HELZ: variants seen among roughly 807,000 people sequenced by gnomAD.
HELZ encodes the protein ATP-dependent RNA helicase with zinc finger domain.
In HELZ, 23 loss-of-function variants were observed where a neutral mutation model predicts 218.2. The observed-to-expected ratio is 0.11, with a 90% CI of 0.08 to 0.15. HELZ has a LOEUF of 0.15. Among genes scored for constraint, HELZ ranks in the 10% least tolerant of loss-of-function variants. The probability of loss-of-function intolerance (pLI) is 1.00; values close to 1 mark genes in which losing one functional copy is unlikely to be tolerated. For missense variants in HELZ, 1,813 were observed against 2,353.7 expected, an observed-to-expected ratio of 0.77 and a Z score of 4.75; for synonymous variants, 814 against 829.4, an observed-to-expected ratio of 0.98 and a Z score of 0.32.
intron 13 of HELZ, among the ~76,000 whole-genome samples, chr17:67,173,375 T>C (rs2144191791): frequency 6.6e-6 from 1 of 152,320 alleles, no homozygotes; most frequent in South Asian, 2.1e-4. Context: ...TTTCCATTGT[T>C]GCATGCTACA....
At chr17:67,149,431 G>A (rs2038606251) in intron 19 of HELZ, among the ~76,000 whole-genome samples, 1 of 152,040 alleles carries the variant, frequency 6.6e-6, no homozygotes, top group African/African-American at 2.4e-5. Context: ...CACACTCTTT[G>A]ACATTTTGGC....
At chr17:67,111,178 C>T (rs1306452559) in intron 28 of HELZ, among the ~76,000 whole-genome samples, 1 of 152,182 alleles carries the variant, frequency 6.6e-6, no homozygotes, top group Non-Finnish European at 1.5e-5. Context: ...AGAGCCCAAT[C>T]ACATGAGACC....
At chr17:67,090,378 T>G (rs1272275839) in intron 31 of HELZ, among the ~76,000 whole-genome samples, 1 of 152,200 alleles carries the variant, frequency 6.6e-6, no homozygotes, top group East Asian at 1.9e-4. Flanking sequence ...CTGTTTGTAT[T>G]GCCTTTATCT....
intron 3 of HELZ, among the ~76,000 whole-genome samples, chr17:67,237,871 C>A (rs547522336): frequency 1.1e-4 from 17 of 151,684 alleles, no homozygotes; most frequent in Admixed American, 2.6e-4. Flanking sequence ...ACCTATAGTC[C>A]CAGCTACTTG....
At chr17:67,130,368 T>C (rs897291071) in intron 23 of HELZ, among the ~76,000 whole-genome samples, 1 of 151,960 alleles carries the variant, frequency 6.6e-6, no homozygotes, top group Non-Finnish European at 1.5e-5. Context: ...AAATTTTAAA[T>C]GGAATGAATA....
intron 26 of HELZ, among the ~76,000 whole-genome samples, chr17:67,121,280 T>C (rs1156503429): frequency 2.0e-5 from 3 of 152,206 alleles, no homozygotes; most frequent in Admixed American, 2.0e-4. Context: ...TATTATTTTA[T>C]TATAACTGTT....
rs895031285 is a variant in HELZ at position 67,076,175 on chromosome 17, G to A, written c.*2077C>T. ...AGCTTGCGTTGTAGTCCTGTATATG[G>A]GGGCTGGGGGGTGGATAATCACTGA... On this transcript the variant is annotated 3_prime_UTR_variant, in exon 33 of 33. Coordinates refer to ENST00000358691, the MANE Select transcript of HELZ (RefSeq NM_014877.4). 6 of 152,260 alleles carry A rather than the reference G, an allele frequency of 3.9e-5. No individual in the cohort carries two copies. Among genetic ancestry groups the A allele is most frequent in the African/African-American group, 1.2e-4 (5 of 41,410 alleles). The allele number at this position is 152,260 out of a possible 1,614,324, so 9.4% of individuals were successfully genotyped here.
rs1280611264 is a variant in HELZ, at chr17:67,078,300, G to A, written c.5781C>T (p.Ser1927=). 2 of 1,613,996 alleles carry A rather than the reference G, an allele frequency of 1.2e-6. No individual in the cohort carries two copies. Among genetic ancestry groups the A allele is most frequent in the Admixed American group, 1.7e-5 (1 of 60,026 alleles). The change falls in exon 33 of 33, where the codon AGC becomes AGT. Residue 1927 remains serine, a synonymous_variant. Transcript: ENST00000358691. The part of the protein sequence containing the change: ...SDPLSLFQEL[S]LGSSSGSNGF... ...CATTGCTGCCAGATGAGCTCCCTAG[G>A]CTCAGTTCCTGGAAGAGAGACAGAG...
At chr17:67,131,813 G>C (rs957703525) in intron 23 of HELZ, among the ~76,000 whole-genome samples, 2 of 151,978 alleles carry the variant, frequency 1.3e-5, no homozygotes, top group African/African-American at 4.8e-5. Context: ...AAAATTCTTA[G>C]TTTTAAAGCT....
chr17:67,161,716 A>G (rs2038999093), intron 15 of HELZ, among the ~76,000 whole-genome samples: 1 of 152,228 alleles, frequency 6.6e-6, no homozygotes, highest in Admixed American at 6.5e-5. Context: ...TACACATATT[A>G]TATTGGTCAA....
intron 3 of HELZ, among the ~76,000 whole-genome samples, chr17:67,227,439 G>C (rs573264646): frequency 6.6e-6 from 1 of 151,922 alleles, no homozygotes; most frequent in Non-Finnish European, 1.5e-5. Context: ...TGCCCACCTC[G>C]GCCTCCCAAA....
chr17:67,148,328 G>A (rs2038570958), intron 20 of HELZ, among the ~76,000 whole-genome samples: 1 of 152,198 alleles, frequency 6.6e-6, no homozygotes, highest in Non-Finnish European at 1.5e-5. Context: ...ATTGTTGTGA[G>A]AGAGTAAAGG....
chr17:67,211,284 GGACTGGACTTTA>G (rs1237609503), intron 5 of HELZ, among the ~76,000 whole-genome samples: 3 of 151,972 alleles, frequency 2.0e-5, no homozygotes, highest in Non-Finnish European at 2.9e-5. Flanking sequence ...ATTTGATTAT[GGACTGGACTTTA>G]GATAGGTTAG....
chr17:67,099,508 A>C (rs1351238487), intron 31 of HELZ, among the ~76,000 whole-genome samples: 1 of 152,216 alleles, frequency 6.6e-6, no homozygotes. Flanking sequence ...AATTCTGCTA[A>C]TATTTCTTTC....
At chr17:67,179,929 T>C (rs574834680) in intron 12 of HELZ, among the ~76,000 whole-genome samples, 4 of 152,330 alleles carry the variant, frequency 2.6e-5, no homozygotes, top group East Asian at 1.9e-4. Context: ...TAATGCACAA[T>C]TGCCATGTCT....
intron 1 of HELZ, 103 bp from the exon 2 acceptor site, chr17:67,243,942 T>C: frequency 1.0e-6 from 1 of 979,752 alleles, no homozygotes; most frequent in South Asian, 4.7e-5. Context: ...ACATTTAAAA[T>C]GGAAAAAGTT....
intron 15 of HELZ, among the ~76,000 whole-genome samples, chr17:67,164,407 G>A (rs2039078295): frequency 6.6e-6 from 1 of 152,138 alleles, no homozygotes; most frequent in African/African-American, 2.4e-5. Flanking sequence ...ATTGGGCAAA[G>A]ATTATATGAG....
At chr17:67,095,013 C>G (rs899172874) in intron 31 of HELZ, among the ~76,000 whole-genome samples, 1 of 152,150 alleles carries the variant, frequency 6.6e-6, no homozygotes, top group African/African-American at 2.4e-5. Flanking sequence ...CTTCTTTTCA[C>G]AAAAGATTTC....
In HELZ at chr17:67,108,860, G is replaced by GTT; in HGVS notation, c.4490-136_4490-135dup. 3 of 745,094 alleles carry GTT rather than the reference G, an allele frequency of 4.0e-6. No individual in the cohort carries two copies. Among genetic ancestry groups the GTT allele is most frequent in the Non-Finnish European group, 6.3e-6 (3 of 472,524 alleles). 46.2% of individuals were successfully genotyped at this position (745,094 alleles called of 1,614,324 possible). A position where few individuals can be genotyped will look rare whatever the true frequency, so the allele number is the denominator to read the frequency against. ...AATTTGGTTTTGGTAAGAAGTAAAT[G>GTT]TTTTCTAAATTTGCCAGAAATCAGT... On this transcript the variant is annotated intron_variant, in intron 29 of 32. Coordinates refer to ENST00000358691, the MANE Select transcript of HELZ (RefSeq NM_014877.4). The surrounding 1 kb of genome is among the most constrained non-coding windows in gnomAD (Gnocchi z 4.1).
Sources: gnomAD v4.1 joint callset for allele counts (sites outside exome capture counted in the v4.1 genomes callset) on GRCh38, gnomAD v4.1.1 for gene constraint, Gnocchi (gnomAD v3.1) non-coding constraint, MANE v1.5 for transcripts, NCBI Gene and HGNC (gene_info 2026-07-23, HGNC 2026-07-21) for gene names.